PPARA: variants seen among roughly 807,000 people sequenced by gnomAD.
The protein encoded by PPARA is peroxisome proliferator-activated receptor alpha.
A neutral mutation model predicts 42.2 loss-of-function variants in PPARA; 22 were observed. The ratio of observed to expected loss-of-function variants is 0.52; its 90% confidence interval spans 0.37 to 0.74. PPARA has a LOEUF of 0.74. Ranked by LOEUF, PPARA falls within the 30% of genes least tolerant of loss-of-function variation. PPARA has a pLI of 0.00. For missense variants in PPARA, 465 were observed against 608.2 expected, an observed-to-expected ratio of 0.76 and a Z score of 2.48; for synonymous variants, 242 against 239.3, an observed-to-expected ratio of 1.01 and a Z score of -0.10.
chr22:46,157,664 A>G (rs1028322653), intron 2 of PPARA, among the ~76,000 whole-genome samples: 2 of 152,226 alleles, frequency 1.3e-5, no homozygotes, highest in African/African-American at 2.4e-5. Context: ...TTTAAATTCA[A>G]CACAACTGAC....
intron 2 of PPARA, among the ~76,000 whole-genome samples, chr22:46,169,680 T>C (rs1216723532): frequency 2.0e-5 from 3 of 152,090 alleles, no homozygotes; most frequent in African/African-American, 7.2e-5. Context: ...TTTTATAGTG[T>C]ATCTATATCT....
rs114251870 is a variant in PPARA at position 46,162,387 on chromosome 22, C to T, written c.-127+10417C>T. Reference sequence around the variant, plus strand: ...TACACAAACCCCTTCTGGTTCTTCTCGTGCACTGGGCGTGCCGGAGACACA... The same window carrying T: ...TACACAAACCCCTTCTGGTTCTTCTTGTGCACTGGGCGTGCCGGAGACACA... On this transcript the variant is annotated intron_variant, in intron 2 of 8. Transcript: ENST00000407236. This position sits in a 1 kb window ranked among gnomAD's most constrained non-coding sequence, Gnocchi z 6.0. Among the ~76,000 whole-genome samples, 18 of 152,150 alleles carry T rather than the reference C, an allele frequency of 1.2e-4. No homozygotes were observed. Among genetic ancestry groups the T allele is most frequent in the African/African-American group, 2.4e-4 (10 of 41,416 alleles).
intron 2 of PPARA, among the ~76,000 whole-genome samples, chr22:46,174,219 G>GA (rs1928594424): frequency 7.6e-4 from 7 of 9,240 alleles, no homozygotes; most frequent in Admixed American, 1.4e-3. Context: ...AGAGAGAGAG[G>GA]GAGAAAGAAA....
rs779537201 is a variant in PPARA at position 46,215,156 on chromosome 22, C to G, written c.209-17C>G. 1 of 1,613,058 alleles carries G rather than the reference C, an allele frequency of 6.2e-7. No individual in the cohort carries two copies. The highest frequency in any genetic ancestry group is 1.8e-4 in the Middle Eastern group (1 of 5,568). ...TGATGCCTGGACTATTCATCCGTCT[C>G]TCCTCTTTTTCCCCAGACACGCTTT... On this transcript the variant is annotated splice_polypyrimidine_tract_variant and intron_variant, in intron 4 of 8. Transcript: ENST00000407236.
At chr22:46,205,416 C>T (rs1046121491) in intron 4 of PPARA, among the ~76,000 whole-genome samples, 8 of 147,092 alleles carry the variant, frequency 5.4e-5, no homozygotes, top group South Asian at 2.2e-4. Context: ...GACGGGGTTT[C>T]GCCATGTTGC....
chr22:46,217,921 C>G (rs1003387338), intron 5 of PPARA, among the ~76,000 whole-genome samples: 2 of 147,124 alleles, frequency 1.4e-5, no homozygotes, highest in African/African-American at 5.1e-5. Context: ...ACCTCCGCCT[C>G]CTGGGTTCAA....
chr22:46,205,728 G>A (rs6008093), intron 4 of PPARA, among the ~76,000 whole-genome samples: 5,320 of 150,538 alleles, frequency 0.035, 273 homozygotes, highest in African/African-American at 0.11. Flanking sequence ...TACCAGGCCC[G>A]GCTAATTACC....
intron 2 of PPARA, among the ~76,000 whole-genome samples, chr22:46,175,225 G>A (rs1197353943): frequency 2.0e-5 from 3 of 152,114 alleles, no homozygotes; most frequent in Non-Finnish European, 2.9e-5. Flanking sequence ...TTTTCCCCAA[G>A]GGTAACATCT....
rs1346041469 is a variant in PPARA at position 46,162,870 on chromosome 22, C to T, written c.-127+10900C>T. On this transcript the variant is annotated intron_variant, in intron 2 of 8. Transcript: ENST00000407236. This position sits in a 1 kb window ranked among gnomAD's most constrained non-coding sequence, Gnocchi z 6.0. ...TCTGATTTGATGAATTCTGCCTTCACTTGAGCAGCTATTAGGGGCATATGT... is the reference window on the plus strand; with the variant it reads ...TCTGATTTGATGAATTCTGCCTTCATTTGAGCAGCTATTAGGGGCATATGT... Among the ~76,000 whole-genome samples the T allele has an allele frequency of 6.6e-6, 1 of 152,260 alleles. No individual in the cohort carries two copies. Among genetic ancestry groups the T allele is most frequent in the Non-Finnish European group, 1.5e-5 (1 of 68,046 alleles).
Position 46,156,663 on chromosome 22 carries a change from A to C in PPARA, c.-127+4693A>C, listed in dbSNP as rs9627007. The C allele has an allele frequency of 0.11, 16,039 of 152,210 alleles. 2,698 individuals carry two copies. The highest frequency in any genetic ancestry group is 0.36 in the African/African-American group (14,868 of 41,442). The allele number at this position is 152,210 out of a possible 1,614,324, so 9.4% of individuals were successfully genotyped here. ...GTCACCCAGGCTGCAGTGCAGTGGC[A>C]CAATCTTGGCTCACTGCAACCTCCG... On this transcript the variant is annotated intron_variant, in intron 2 of 8. Transcript: ENST00000407236. The surrounding 1 kb of genome is among the most constrained non-coding windows in gnomAD (Gnocchi z 5.2).
Position 46,221,148 on chromosome 22 carries a change from A to G in PPARA, c.711+1134A>G, listed in dbSNP as rs980293420. Among the ~76,000 whole-genome samples, 4 of 152,122 alleles carry G rather than the reference A, an allele frequency of 2.6e-5. No individual in the cohort carries two copies. The highest frequency in any genetic ancestry group is 7.2e-5 in the African/African-American group (3 of 41,398). ...GGTGAAGTGGGAGTAGGCGTCTTGC[A>G]TGGCAGGAGCAAAAACAAGAGACAC... On this transcript the variant is annotated intron_variant, in intron 7 of 8. Coordinates refer to ENST00000407236, the MANE Select transcript of PPARA (RefSeq NM_005036.6). The surrounding 1 kb of genome is among the most constrained non-coding windows in gnomAD (Gnocchi z 5.9).
In PPARA at chr22:46,180,359, G is replaced by C. The variant is rs1478171407; in HGVS notation, c.-43+3523G>C. Among the ~76,000 whole-genome samples the C allele has an allele frequency of 1.3e-5, 2 of 152,044 alleles. No individual in the cohort carries two copies. Among genetic ancestry groups the C allele is most frequent in the African/African-American group, 4.8e-5 (2 of 41,402 alleles). On this transcript the variant is annotated intron_variant, in intron 3 of 8. Coordinates refer to ENST00000407236, the MANE Select transcript of PPARA (RefSeq NM_005036.6). This position sits in a 1 kb window ranked among gnomAD's most constrained non-coding sequence, Gnocchi z 4.2. ...TAATGATAGTTTCTTTAATAAAAAT[G>C]CTGTTTAGGCCCAGACTGAAAGGCT... is the stretch of plus-strand genomic sequence containing the variant.
chr22:46,185,960 T>C (rs57679171), intron 3 of PPARA, among the ~76,000 whole-genome samples: 2,955 of 42,818 alleles, frequency 0.069, 308 homozygotes, highest in Admixed American at 0.12. Flanking sequence ...TATATATATA[T>C]ATATACACAC....
At chr22:46,181,483 A>G (rs997096154) in intron 3 of PPARA, among the ~76,000 whole-genome samples, 1 of 152,182 alleles carries the variant, frequency 6.6e-6, no homozygotes, top group Admixed American at 6.5e-5. Context: ...GTGAGTGTGC[A>G]TCACAAAGGG....
rs114124314 is a variant in PPARA, at chr22:46,157,383, G to A, written c.-127+5413G>A. ...GGATGATGGCCCGCTCCATCCCACC[G>A]CAGCGAAATTGTCCCAGACCTCTGC... On this transcript the variant is annotated intron_variant, in intron 2 of 8. Coordinates refer to ENST00000407236, the MANE Select transcript of PPARA (RefSeq NM_005036.6). 5.3e-3 allele frequency among the ~76,000 whole-genome samples: 800 copies of A among 152,222 alleles called. 9 individuals are homozygous for A. Among genetic ancestry groups the A allele is most frequent in the African/African-American group, 0.018 (757 of 41,530 alleles).
In PPARA at chr22:46,241,376, T is replaced by G. The variant is rs904760714; in HGVS notation, c.*5996T>G. On this transcript the variant is annotated 3_prime_UTR_variant, in exon 9 of 9. Transcript: ENST00000407236. The surrounding 1 kb of genome is among the most constrained non-coding windows in gnomAD (Gnocchi z 5.7). ...CACAGTGTACACTAAAATGTGAAAT[T>G]GAAGGTTTTGTTAAAAAGAAAAAGA... 7.2e-5 allele frequency: 11 copies of G among 152,252 alleles called. No homozygotes were observed. Among genetic ancestry groups the G allele is most frequent in the Non-Finnish European group, 1.3e-4 (9 of 68,052 alleles). 9.4% of individuals were successfully genotyped at this position (152,252 alleles called of 1,614,324 possible). A position where few individuals can be genotyped will look rare whatever the true frequency, so the allele number is the denominator to read the frequency against.
intron 4 of PPARA, among the ~76,000 whole-genome samples, chr22:46,202,009 G>T (rs879944412): frequency 1.3e-5 from 2 of 152,176 alleles, no homozygotes; most frequent in Non-Finnish European, 2.9e-5. Context: ...AGAGTTCAGA[G>T]ATACACTTTT....
intron 5 of PPARA, among the ~76,000 whole-genome samples, chr22:46,217,965 G>T (rs76690011): frequency 0.011 from 1,635 of 150,998 alleles, 32 homozygotes; most frequent in African/African-American, 0.038. Context: ...TGAGTAGCTG[G>T]GACTACAGAC....
At position 46,161,074 on chromosome 22, in the gene PPARA, A is replaced by T. The variant is rs1226708788; in HGVS notation, c.-127+9104A>T. Among the ~76,000 whole-genome samples, 1 of 152,228 alleles carries T rather than the reference A, an allele frequency of 6.6e-6. No individual in the cohort carries two copies. Among genetic ancestry groups the T allele is most frequent in the Non-Finnish European group, 1.5e-5 (1 of 68,044 alleles). The stretch of plus-strand genomic sequence containing the variant: ...GATGATCTTTAATACTAATAGAGGT[A>T]TAAGACTTAAAAGAAACAAGAACCC... On this transcript the variant is annotated intron_variant, in intron 2 of 8. Transcript: ENST00000407236. This position sits in a 1 kb window ranked among gnomAD's most constrained non-coding sequence, Gnocchi z 4.8.
Sources: gnomAD v4.1 joint callset for allele counts (sites outside exome capture counted in the v4.1 genomes callset) on GRCh38, gnomAD v4.1.1 for gene constraint, Gnocchi (gnomAD v3.1) non-coding constraint, MANE v1.5 for transcripts, NCBI Gene and HGNC (gene_info 2026-07-23, HGNC 2026-07-21) for gene names.